The following WDR33 variants were observed in gnomAD, a reference collection of about 807,000 sequenced individuals.
The protein encoded by WDR33 is WD repeat domain 33.
In WDR33, 47 loss-of-function variants were observed where a neutral mutation model predicts 164.9. That is an observed-to-expected ratio of 0.29 (90% CI 0.23 to 0.36). The LOEUF is 0.36. Among genes scored for constraint, WDR33 ranks in the 10% least tolerant of loss-of-function variants. The pLI is 1.00. For synonymous variants in WDR33, 505 were observed against 589.0 expected, an observed-to-expected ratio of 0.86 and a Z score of 2.06; for missense variants, 1,137 against 1,754.1, an observed-to-expected ratio of 0.65 and a Z score of 6.28.
Position 127,706,524 on chromosome 2 carries a change from T to C in WDR33, c.3810A>G (p.Arg1270=), listed in dbSNP as rs780725829. The C allele has an allele frequency of 4.3e-6, 7 of 1,612,538 alleles. No homozygotes were observed. The highest frequency in any genetic ancestry group is 1.3e-5 in the African/African-American group (1 of 74,958). Residue 1270 remains arginine, a synonymous_variant, in exon 22 of 22, where the codon AGA becomes AGG. Coordinates refer to ENST00000322313, the MANE Select transcript of WDR33 (RefSeq NM_018383.5). The surrounding 1 kb of genome is among the most constrained non-coding windows in gnomAD (Gnocchi z 5.1). ...KGRGGPGPAQ[R]VPKSGRSSSL... The stretch of plus-strand genomic sequence containing the variant: ...AGCTGGAACGCCCAGATTTGGGCAC[T>C]CTCTGAGCAGGTCCTGGGCCCCCTC...
At chr2:127,730,895 G>A (rs1036265797) in intron 7 of WDR33, among the ~76,000 whole-genome samples, 5 of 151,130 alleles carry the variant, frequency 3.3e-5, no homozygotes, top group Non-Finnish European at 7.4e-5. Context: ...GTGAACTCTC[G>A]ATTTTTTTTG....
intron 7 of WDR33, among the ~76,000 whole-genome samples, chr2:127,754,862 C>G (rs745569981): frequency 6.6e-6 from 1 of 152,084 alleles, no homozygotes; most frequent in Admixed American, 6.6e-5. Context: ...CTTTAAATAT[C>G]TGAAAATAAC....
At chr2:127,762,674 C>T (rs551396361) in intron 7 of WDR33, 4 of 1,007,606 alleles carry the variant, frequency 4.0e-6, no homozygotes, top group African/African-American at 1.7e-5. Flanking sequence ...TCTATCTTGT[C>T]GGTTAATTCA....
chr2:127,789,761 G>C (rs1366443601), intron 1 of WDR33, among the ~76,000 whole-genome samples: 2 of 151,616 alleles, frequency 1.3e-5, no homozygotes, highest in Non-Finnish European at 2.9e-5. Flanking sequence ...TTACTATTAA[G>C]TATGACATAA....
intron 1 of WDR33, among the ~76,000 whole-genome samples, chr2:127,791,768 G>A (rs909532207): frequency 2.6e-5 from 4 of 152,120 alleles, no homozygotes; most frequent in Non-Finnish European, 5.9e-5. Flanking sequence ...ACATTCTTAA[G>A]TGAAATTGTC....
intron 7 of WDR33, among the ~76,000 whole-genome samples, chr2:127,746,516 T>C (rs1210649939): frequency 1.3e-5 from 2 of 152,236 alleles, no homozygotes; most frequent in Admixed American, 6.5e-5. Flanking sequence ...TCCTGCACTG[T>C]GCAGAGTATG....
chr2:127,746,042 A>T (rs568045535), intron 7 of WDR33, among the ~76,000 whole-genome samples: 12 of 56,868 alleles, frequency 2.1e-4, no homozygotes, highest in East Asian at 2.0e-3. Flanking sequence ...TAAAATAATT[A>T]AAAAAAAAAA....
intron 18 of WDR33, among the ~76,000 whole-genome samples, chr2:127,711,781 T>TATATATAGATATATATATATA (rs1491108798): frequency 1.1e-5 from 1 of 94,014 alleles, no homozygotes; most frequent in African/African-American, 5.8e-5. Flanking sequence ...TATATATATA[T>TATATATAGATATATATATATA]TTTTTTTTTG....
At chr2:127,756,693 A>G (rs890820733) in intron 7 of WDR33, among the ~76,000 whole-genome samples, 3 of 152,184 alleles carry the variant, frequency 2.0e-5, no homozygotes, top group Admixed American at 2.0e-4. Context: ...CTACAGAATA[A>G]AATTTATATC....
At position 127,763,227 on chromosome 2, in the gene WDR33, CAG is replaced by C; in HGVS notation, c.627-70_627-69del. The C allele has an allele frequency of 1.2e-6, 2 of 1,609,610 alleles. No homozygotes were observed. On this transcript the variant is annotated intron_variant, in intron 6 of 21. Transcript: ENST00000322313. The surrounding 1 kb of genome is among the most constrained non-coding windows in gnomAD (Gnocchi z 4.5). ...TAACAGATAATCTGTGCTTCTCAGACAGGGAAAAATAAAAACACTGTGCTGCA... is the reference window on the plus strand; with the variant it reads ...TAACAGATAATCTGTGCTTCTCAGACGGAAAAATAAAAACACTGTGCTGCA...
chr2:127,786,844 C>CTTTTTTTTTTTTT (rs71307273), intron 1 of WDR33, among the ~76,000 whole-genome samples: 4 of 111,864 alleles, frequency 3.6e-5, no homozygotes, highest in African/African-American at 6.6e-5. Context: ...CCTTTCTGTT[C>CTTTTTTTTTTTTT]TTTTTTTTTT....
At chr2:127,756,280 G>A (rs996537714) in intron 7 of WDR33, among the ~76,000 whole-genome samples, 19 of 149,202 alleles carry the variant, frequency 1.3e-4, no homozygotes, top group African/African-American at 4.7e-4. Context: ...GTTGCAATGA[G>A]CTGAGATCAT....
In WDR33 at chr2:127,710,878, C is replaced by A. The variant is rs1227237225; in HGVS notation, c.3309-1022G>T. Among the ~76,000 whole-genome samples, 1 of 152,170 alleles carries A rather than the reference C, an allele frequency of 6.6e-6. No homozygotes were observed. Among genetic ancestry groups the A allele is most frequent in the Non-Finnish European group, 1.5e-5 (1 of 68,016 alleles). ...GCTGAAAGAACAGTACAATGAACATCCCAGATCCTCCACCCAGATCAATCC... is the reference window on the plus strand; with the variant it reads ...GCTGAAAGAACAGTACAATGAACATACCAGATCCTCCACCCAGATCAATCC... On this transcript the variant is annotated intron_variant, in intron 18 of 21. Coordinates refer to ENST00000322313, the MANE Select transcript of WDR33 (RefSeq NM_018383.5). This position sits in a 1 kb window ranked among gnomAD's most constrained non-coding sequence, Gnocchi z 4.4.
intron 1 of WDR33, among the ~76,000 whole-genome samples, chr2:127,788,217 C>G (rs1318552647): frequency 7.5e-6 from 1 of 132,884 alleles, no homozygotes; most frequent in Non-Finnish European, 1.6e-5. Context: ...CACCTCCCTC[C>G]CGGACAGGGC....
chr2:127,780,844 T>G (rs1406123827), intron 1 of WDR33, among the ~76,000 whole-genome samples: 1 of 152,098 alleles, frequency 6.6e-6, no homozygotes, highest in African/African-American at 2.4e-5. Flanking sequence ...CTCAAAATAA[T>G]TAATTTATTA....
chr2:127,768,247 G>A lies in WDR33; in HGVS notation c.320C>T (p.Thr107Ile), dbSNP rs1687882496. ...TGTTGATGTCCGAACAAATTTTGTT[G>A]TTACTGCATTCATAGGATTATTCAA... ...GMLNNPMNAV[T>I]TKFVRTSTNK... is the part of the protein sequence containing the mutation. Residue 107 changes from threonine to isoleucine, a missense_variant, in exon 4 of 22, where the codon ACA becomes ATA. By Grantham distance (89) the Thr-to-Ile change is moderately conservative. Around this residue, in one of 9 missense-constraint regions of WDR33, gnomAD observed 55 missense variants for 84.6 expected, o/e 0.65. Coordinates refer to ENST00000322313, the MANE Select transcript of WDR33 (RefSeq NM_018383.5). The A allele has an allele frequency of 6.3e-7, 1 of 1,581,352 alleles. No homozygotes were observed. The highest frequency in any genetic ancestry group is 2.3e-5 in the East Asian group (1 of 44,122).
intron 1 of WDR33, among the ~76,000 whole-genome samples, chr2:127,804,279 C>T (rs2104686330): frequency 6.6e-6 from 1 of 152,000 alleles, no homozygotes; most frequent in South Asian, 2.1e-4. Context: ...CAAGATCATC[C>T]CAGCCTGGGA....
In WDR33 at chr2:127,738,636, C is replaced by T. The variant is rs1238793356; in HGVS notation, c.725-11859G>A. ...CCATGACATGGTATGATGAAAATGG[C>T]ACTTTACCTGTGTGATCTTCCTCTC... On this transcript the variant is annotated intron_variant, in intron 7 of 21. Transcript: ENST00000322313. This position sits in a 1 kb window ranked among gnomAD's most constrained non-coding sequence, Gnocchi z 4.4. Among the ~76,000 whole-genome samples the T allele has an allele frequency of 6.6e-6, 1 of 152,110 alleles. No individual in the cohort carries two copies. Among genetic ancestry groups the T allele is most frequent in the East Asian group, 1.9e-4 (1 of 5,186 alleles).
chr2:127,750,714 G>GTATA (rs1558937021), intron 7 of WDR33, among the ~76,000 whole-genome samples: 9 of 33,332 alleles, frequency 2.7e-4, no homozygotes, highest in Non-Finnish European at 3.7e-4. Context: ...ATATATATAT[G>GTATA]TATGTATGCA....
Sources: gnomAD v4.1 joint callset for allele counts (sites outside exome capture counted in the v4.1 genomes callset) on GRCh38, gnomAD v4.1.1 for gene constraint, gnomAD v4.1.1 regional missense constraint, Gnocchi (gnomAD v3.1) non-coding constraint, MANE v1.5 for transcripts, NCBI Gene and HGNC (gene_info 2026-07-23, HGNC 2026-07-21) for gene names.